Variants in ZHX2 observed in about 807,000 individuals in gnomAD.
The protein encoded by ZHX2 is zinc fingers and homeoboxes 2.
ZHX2 carries 6 observed loss-of-function variants against 21.9 expected under a neutral mutation model. The ratio of observed to expected loss-of-function variants is 0.27; its 90% confidence interval spans 0.15 to 0.54. ZHX2 has a LOEUF of 0.54. ZHX2 is among the 20% of genes least tolerant of loss of function. ZHX2 has a pLI of 0.95. For synonymous variants in ZHX2, 434 were observed against 437.1 expected, an observed-to-expected ratio of 0.99 and a Z score of 0.09; for missense variants, 908 against 1,090.7, an observed-to-expected ratio of 0.83 and a Z score of 2.36.
At chr8:122,802,450 C>T (rs184420582) in intron 1 of ZHX2, among the ~76,000 whole-genome samples, 4 of 152,212 alleles carry the variant, frequency 2.6e-5, no homozygotes, top group African/African-American at 9.7e-5. Context: ...AGACCTGTTG[C>T]TGTCAGAGGC....
chr8:122,947,169 G>A (rs922019852), intron 2 of ZHX2, among the ~76,000 whole-genome samples: 49 of 151,502 alleles, frequency 3.2e-4, no homozygotes, highest in African/African-American at 1.2e-3. Context: ...GGGAGGCTAA[G>A]GCAGGAAAAT....
chr8:122,846,866 A>G (rs1438933923), intron 1 of ZHX2, among the ~76,000 whole-genome samples: 2 of 152,176 alleles, frequency 1.3e-5, no homozygotes, highest in Non-Finnish European at 2.9e-5. Flanking sequence ...CCTCATGAAA[A>G]TCTAAGGTAA....
At chr8:122,859,514 C>T (rs531612033) in intron 1 of ZHX2, among the ~76,000 whole-genome samples, 6 of 151,982 alleles carry the variant, frequency 3.9e-5, no homozygotes, top group Non-Finnish European at 7.4e-5. Context: ...GAGGGACTAG[C>T]GTGGCTATGT....
chr8:122,877,194 G>A (rs190748509), intron 2 of ZHX2, among the ~76,000 whole-genome samples: 2 of 152,238 alleles, frequency 1.3e-5, no homozygotes, highest in Admixed American at 1.3e-4. Flanking sequence ...CCACAAATTG[G>A]GGATAATAAC....
chr8:122,847,090 C>T (rs533952047), intron 1 of ZHX2, among the ~76,000 whole-genome samples: 11 of 152,284 alleles, frequency 7.2e-5, no homozygotes, highest in South Asian at 6.2e-4. Context: ...GATGTCCCCA[C>T]GCTCAGTAGT....
At position 122,914,674 on chromosome 8, in the gene ZHX2, T is replaced by C. The variant is rs570548439; in HGVS notation, c.-219-36618T>C. Among the ~76,000 whole-genome samples the C allele has an allele frequency of 1.9e-4, 29 of 152,374 alleles. No individual in the cohort carries two copies. In the South Asian group the frequency reaches 6.0e-3, roughly 32 times the overall value. ...CTTTCTTTATTCAACAGTGGACTTC[T>C]ATTTGCTAATAAATCTCATGCGCTC... is the stretch of plus-strand genomic sequence containing the variant. On this transcript the variant is annotated intron_variant, in intron 2 of 3. Transcript: ENST00000314393.
chr8:122,879,199 T>G (rs546321788), intron 2 of ZHX2, among the ~76,000 whole-genome samples: 2 of 152,270 alleles, frequency 1.3e-5, no homozygotes, highest in African/African-American at 4.8e-5. Flanking sequence ...GGGTTTTTTT[T>G]GTCTTGTTTT....
chr8:122,830,957 C>T (rs914453963), intron 1 of ZHX2, among the ~76,000 whole-genome samples: 44 of 152,098 alleles, frequency 2.9e-4, no homozygotes, highest in Non-Finnish European at 4.0e-4. Flanking sequence ...TTCAACTTTG[C>T]CTAACGATTG....
chr8:122,882,635 C>T (rs950374101), intron 2 of ZHX2, among the ~76,000 whole-genome samples: 1 of 152,154 alleles, frequency 6.6e-6, no homozygotes, highest in Non-Finnish European at 1.5e-5. Context: ...CACTCCCAGC[C>T]TTGCTGCTTG....
chr8:122,806,784 C>G (rs1461971307), intron 1 of ZHX2, among the ~76,000 whole-genome samples: 1 of 152,194 alleles, frequency 6.6e-6, no homozygotes, highest in Non-Finnish European at 1.5e-5. Context: ...CCAATTATGG[C>G]CAGGCATTGT....
chr8:122,948,169 C>G (rs1009029208), intron 2 of ZHX2, among the ~76,000 whole-genome samples: 6 of 152,106 alleles, frequency 3.9e-5, no homozygotes, highest in African/African-American at 1.4e-4. Context: ...TGGGCCTAGA[C>G]TCTCAGAGTT....
At chr8:122,947,815 G>A (rs192782295) in intron 2 of ZHX2, among the ~76,000 whole-genome samples, 66 of 151,990 alleles carry the variant, frequency 4.3e-4, no homozygotes, top group East Asian at 3.5e-3. Flanking sequence ...GAAGGGCGGC[G>A]GGAGAGGGGA....
chr8:122,868,917 T>C (rs543558023), intron 2 of ZHX2, among the ~76,000 whole-genome samples: 1 of 152,298 alleles, frequency 6.6e-6, no homozygotes, highest in East Asian at 1.9e-4. Context: ...GGGACCTGCA[T>C]GGCTGGAGGA....
intron 1 of ZHX2, among the ~76,000 whole-genome samples, chr8:122,821,103 C>A (rs529270762): frequency 6.6e-6 from 1 of 152,316 alleles, no homozygotes; most frequent in East Asian, 1.9e-4. Flanking sequence ...ATCTGGGTAG[C>A]AGTGAGGGGT....
intron 1 of ZHX2, among the ~76,000 whole-genome samples, chr8:122,801,121 C>T (rs1248007523): frequency 6.6e-6 from 1 of 152,330 alleles, no homozygotes; most frequent in South Asian, 2.1e-4. Context: ...AGAGGCTATA[C>T]ATTTTCTGTA....
chr8:122,788,108 G>A (rs1204372384), intron 1 of ZHX2, among the ~76,000 whole-genome samples: 3 of 152,180 alleles, frequency 2.0e-5, no homozygotes, highest in African/African-American at 7.2e-5. Flanking sequence ...CACAGCACAA[G>A]CACATGGTGT....
chr8:122,823,215 T>C (rs1032918715), intron 1 of ZHX2, among the ~76,000 whole-genome samples: 3 of 152,238 alleles, frequency 2.0e-5, no homozygotes, highest in Admixed American at 6.5e-5. Flanking sequence ...ACCTTGATCA[T>C]TGTCTCTTGG....
intron 1 of ZHX2, among the ~76,000 whole-genome samples, chr8:122,840,620 C>T (rs573740889): frequency 2.6e-5 from 4 of 152,332 alleles, no homozygotes; most frequent in East Asian, 1.9e-4. Flanking sequence ...TCCCATGCCT[C>T]ATGCTCAGTG....
chr8:122,834,539 GTAA>G (rs1818454994), intron 1 of ZHX2, among the ~76,000 whole-genome samples: 1 of 152,264 alleles, frequency 6.6e-6, no homozygotes. Context: ...GATGGCAGAG[GTAA>G]GCATTCGAAA....
Sources: gnomAD v4.1 joint callset for allele counts (sites outside exome capture counted in the v4.1 genomes callset) on GRCh38, gnomAD v4.1.1 for gene constraint, MANE v1.5 for transcripts, NCBI Gene and HGNC (gene_info 2026-07-23, HGNC 2026-07-21) for gene names.